Variants in ZNF485 observed in about 807,000 individuals in gnomAD.
ZNF485 encodes zinc finger protein 485.
Under a neutral mutation model 10.8 loss-of-function variants are expected in ZNF485, and 9 were observed. The ratio of observed to expected loss-of-function variants is 0.83; its 90% CI spans 0.50 to 1.45. ZNF485 has a LOEUF of 1.45. Ranked by LOEUF, ZNF485 falls within the 40% of genes most tolerant of loss-of-function variation. The probability of loss-of-function intolerance (pLI) is 0.00; values close to 1 mark genes in which losing one functional copy is unlikely to be tolerated. For synonymous variants in ZNF485, 187 were observed against 181.0 expected (o/e 1.03, Z -0.27); for missense variants, 487 against 528.0 (o/e 0.92, Z 0.76).
Position 43,609,261 on chromosome 10 carries a change from TC to T in ZNF485, c.159del (p.Ser54LeufsTer6). 1.2e-6 allele frequency: 2 copies of T among 1,613,378 alleles called. No homozygotes were observed. Among genetic ancestry groups the T allele is most frequent in the Non-Finnish European group, 1.7e-6 (2 of 1,179,536 alleles). On this transcript the variant is annotated frameshift_variant, in exon 4 of 5. Coordinates refer to ENST00000361807, the MANE Select transcript of ZNF485 (RefSeq NM_145312.4). LOFTEE classifies it high-confidence loss of function. The stretch of plus-strand genomic sequence containing the variant: ...CCTTTTTCTTTATGAACAGGGCTTC[TC>T]TCTTCCAAACCAAAACTAATTACTC... ...NYGNLVSVGLLSSKPKLITQL... is the reference protein window; with the variant it reads ...NYGNLVSVGLXSSKPKLITQL...
intron 2 of ZNF485, among the ~76,000 whole-genome samples, chr10:43,608,079 C>T (rs1838688044): frequency 1.3e-5 from 2 of 152,136 alleles, no homozygotes; most frequent in Admixed American, 1.3e-4. Context: ...GCCCCAGAGT[C>T]AGATCATACT....
At chr10:43,606,967 A>G (rs1327973817) in intron 1 of ZNF485, 30 bp from the exon 2 acceptor site, 1 of 1,525,568 alleles carries the variant, frequency 6.6e-7, no homozygotes, top group East Asian at 2.5e-5. Flanking sequence ...GCACGGAGGG[A>G]CTTCCTCAAT....
chr10:43,613,104 C>T (rs1838797016), intron 4 of ZNF485, among the ~76,000 whole-genome samples: 1 of 152,082 alleles, frequency 6.6e-6, no homozygotes, highest in Non-Finnish European at 1.5e-5. Flanking sequence ...TTTCTTAAAG[C>T]CTTTAAAAAA....
chr10:43,608,358 G>C (rs934120068), intron 2 of ZNF485, among the ~76,000 whole-genome samples: 2 of 152,174 alleles, frequency 1.3e-5, no homozygotes, highest in Admixed American at 1.3e-4. Flanking sequence ...TGGAGAAATA[G>C]AAGACCTTTT....
chr10:43,607,219 C>A, intron 2 of ZNF485, 145 bp downstream of exon 2: 1 of 892,342 alleles, frequency 1.1e-6, no homozygotes, highest in Non-Finnish European at 1.8e-6. Context: ...TCCGTCCTGT[C>A]TACCCATTAC....
In ZNF485 at chr10:43,614,104, A is replaced by G. The variant is rs1212026761; in HGVS notation, c.248-2187A>G. Among the ~76,000 whole-genome samples the G allele has an allele frequency of 2.6e-5, 4 of 151,992 alleles. No homozygotes were observed. The East Asian group carries it at 7.7e-4, about 29-fold the overall frequency. The stretch of plus-strand genomic sequence containing the variant: ...GTGGCACACACCTGTAGTCCCAGCT[A>G]CTCGGGGAGCTAAGACAGGAGAATC... On this transcript the variant is annotated intron_variant, in intron 4 of 4. Transcript: ENST00000361807.
In ZNF485 at chr10:43,617,195, T is replaced by C. The variant is rs377331848; in HGVS notation, c.1152T>C (p.Cys384=). 11 of 1,614,096 alleles carry C rather than the reference T, an allele frequency of 6.8e-6. No homozygotes were observed. The highest frequency in any genetic ancestry group is 1.7e-5 in the Admixed American group (1 of 60,004). ...ATACTGGAGAAAAACCCTATCACTG[T>C]AAGAAATGTGGGAAAGCCTTTCGGC... ...RIHTGEKPYH[C]KKCGKAFRHS... The change falls in exon 5 of 5, where the codon TGT becomes TGC. Residue 384 remains cysteine, a synonymous_variant. Coordinates refer to ENST00000361807, the MANE Select transcript of ZNF485 (RefSeq NM_145312.4).
chr10:43,609,341 A>T lies in ZNF485; in HGVS notation c.238A>T (p.Thr80Ser). ...TGAGGTGCGAGAGGCTCCATCAGGC[A>T]CACATGCAGGTGAGTGGGTGGGGAA... ...WTEVREAPSG[T>S]HAVEDYWFET... Residue 80 changes from threonine to serine, a missense_variant, in exon 4 of 5, where the codon ACA becomes TCA. By Grantham distance (58) the Thr-to-Ser change is moderately conservative. Transcript: ENST00000361807. The T allele has an allele frequency of 6.2e-7, 1 of 1,613,696 alleles. No individual in the cohort carries two copies. The highest frequency in any genetic ancestry group is 8.5e-7 in the Non-Finnish European group (1 of 1,179,662).
chr10:43,615,922 G>A (rs1341536113), intron 4 of ZNF485, among the ~76,000 whole-genome samples: 1 of 152,136 alleles, frequency 6.6e-6, no homozygotes, highest in Non-Finnish European at 1.5e-5. Context: ...ATCTGCCCTA[G>A]TAGTAATTAT....
chr10:43,608,842 G>C (rs1838710070), intron 3 of ZNF485, 102 bp downstream of exon 3: 2 of 1,481,370 alleles, frequency 1.4e-6, no homozygotes, highest in East Asian at 4.6e-5. Flanking sequence ...TAAATGATGT[G>C]CTTTTTGTTT....
rs756726686 is a variant in ZNF485, at chr10:43,616,643, G to A, written c.600G>A (p.Thr200=). Residue 200 remains threonine (T), a synonymous_variant, in exon 5 of 5, where the codon ACG becomes ACA. Coordinates refer to ENST00000361807, the MANE Select transcript of ZNF485 (RefSeq NM_145312.4). The part of the protein sequence containing the change: ...ECGKFLKKHS[T]FINHQRIHSR... Reference sequence around the variant, plus strand: ...GGAAGTTCCTGAAGAAGCACTCAACGTTTATCAACCATCAGAGAATTCATT... The same window carrying A: ...GGAAGTTCCTGAAGAAGCACTCAACATTTATCAACCATCAGAGAATTCATT... 1.7e-5 allele frequency: 27 copies of A among 1,614,018 alleles called. No individual in the cohort carries two copies. The Admixed American group carries it at 3.8e-4, about 23-fold the overall frequency.
intron 2 of ZNF485, chr10:43,607,376 C>T: frequency 2.0e-6 from 1 of 501,234 alleles, no homozygotes; most frequent in Non-Finnish European, 3.6e-6. Context: ...GATAGCAGTG[C>T]TCTCTTGACC....
At chr10:43,614,902 C>T (rs1311629600) in intron 4 of ZNF485, among the ~76,000 whole-genome samples, 1 of 152,114 alleles carries the variant, frequency 6.6e-6, no homozygotes, top group Non-Finnish European at 1.5e-5. Flanking sequence ...ATCTCCTCTT[C>T]CTCACTGCTT....
At chr10:43,613,106 T>C (rs1223255273) in intron 4 of ZNF485, among the ~76,000 whole-genome samples, 5 of 152,206 alleles carry the variant, frequency 3.3e-5, no homozygotes, top group African/African-American at 1.2e-4. Context: ...TCTTAAAGCC[T>C]TTAAAAAAAT....
chr10:43,607,135 C>T (rs1838665533), intron 2 of ZNF485, 61 bp downstream of exon 2: 3 of 1,543,134 alleles, frequency 1.9e-6, no homozygotes, highest in East Asian at 4.9e-5. Flanking sequence ...GGGTTTATGC[C>T]TCTTGCCCGG....
chr10:43,615,091 T>G (rs1219220736), intron 4 of ZNF485, among the ~76,000 whole-genome samples: 4 of 152,204 alleles, frequency 2.6e-5, no homozygotes, highest in Non-Finnish European at 4.4e-5. Context: ...AACTTACATT[T>G]CCTTGAAAAA....
intron 1 of ZNF485, 117 bp from the exon 2 acceptor site, chr10:43,606,880 T>C: frequency 1.4e-6 from 1 of 721,516 alleles, no homozygotes; most frequent in Non-Finnish European, 2.4e-6. Flanking sequence ...CGTACCCACC[T>C]GGACCTGTCT....
In ZNF485 at chr10:43,608,687, G is replaced by A. The variant is rs955162142; in HGVS notation, c.98G>A (p.Arg33Gln). The change falls in exon 3 of 5, where the codon CGG (arginine) becomes CAG (glutamine). Residue 33 changes from arginine (R) to glutamine (Q), a missense_variant. Transcript: ENST00000361807. ...TGGAGACACCTGGATGCTGCTCAGC[G>A]GGCCCTGTACAGGGATGTGATGCTG... The part of the protein sequence containing the change: ...IEWRHLDAAQ[R>Q]ALYRDVMLEN... 21 of 1,614,092 alleles carry A rather than the reference G, an allele frequency of 1.3e-5. No homozygotes were observed. Among genetic ancestry groups the A allele is most frequent in the South Asian group, 3.3e-5 (3 of 91,076 alleles).
At chr10:43,610,170 T>C (rs1838742950) in intron 4 of ZNF485, among the ~76,000 whole-genome samples, 1 of 152,210 alleles carries the variant, frequency 6.6e-6, no homozygotes, top group East Asian at 1.9e-4. Flanking sequence ...GGATCTTCTT[T>C]TATTTGTCTT....
Sources: allele counts gnomAD v4.1 joint callset (sites outside exome capture counted in the v4.1 genomes callset), GRCh38; gene constraint gnomAD v4.1.1; transcripts MANE v1.5; gene names NCBI Gene and HGNC (gene_info 2026-07-23, HGNC 2026-07-21).